LHFPL4: variants seen among roughly 807,000 people sequenced by gnomAD.
The protein encoded by LHFPL4 is LHFPL tetraspan subfamily member 4 protein.
A neutral mutation model predicts 20.0 loss-of-function variants in LHFPL4; 6 were observed. The observed-to-expected ratio is 0.30, with a 90% CI of 0.16 to 0.59. The LOEUF is 0.59. Among genes scored for constraint, LHFPL4 ranks in the 20% least tolerant of loss-of-function variants. The pLI, the probability that LHFPL4 is intolerant of heterozygous loss-of-function variation, is 0.88. For missense variants in LHFPL4, 215 were observed against 331.2 expected (o/e 0.65, Z 2.72); for synonymous variants, 129 against 143.8 (o/e 0.90, Z 0.74).
chr3:9,522,934 G>C (rs1015549955), intron 2 of LHFPL4, among the ~76,000 whole-genome samples: 2 of 151,386 alleles, frequency 1.3e-5, no homozygotes, highest in African/African-American at 4.9e-5. Flanking sequence ...CCAGCTACTA[G>C]GGAGGCTGAG....
rs1574850675 is a variant in LHFPL4 at position 9,534,416 on chromosome 3, G to A, written c.406+17858C>T. ...GAATGATCTCTGGATACCCTGCTAA[G>A]TGAAAGGCAAGGCTCATGGTAACAA... On this transcript the variant is annotated intron_variant, in intron 2 of 3. Transcript: ENST00000287585. 2.6e-5 allele frequency among the ~76,000 whole-genome samples: 4 copies of A among 152,294 alleles called. 1 individual carries two copies. Among genetic ancestry groups the A allele is most frequent in the Admixed American group, 2.6e-4 (4 of 15,298 alleles).
intron 2 of LHFPL4, among the ~76,000 whole-genome samples, chr3:9,521,037 A>G (rs545013357): frequency 6.6e-6 from 1 of 151,932 alleles, no homozygotes; most frequent in East Asian, 1.9e-4. Context: ...AGATGCATCT[A>G]TTTCTCTTTG....
chr3:9,513,049 T>C (rs1029926584), intron 2 of LHFPL4, among the ~76,000 whole-genome samples: 1 of 151,966 alleles, frequency 6.6e-6, no homozygotes, highest in Non-Finnish European at 1.5e-5. Context: ...AAGCTCCGCC[T>C]CCTGGATTCA....
At chr3:9,509,246 C>CCCT (rs1553646188) in intron 2 of LHFPL4, among the ~76,000 whole-genome samples, 6 of 146,764 alleles carry the variant, frequency 4.1e-5, no homozygotes, top group Non-Finnish European at 6.0e-5. Flanking sequence ...TTCGCACCCC[C>CCCT]CTCTCTCTCT....
At chr3:9,528,813 C>T (rs889186421) in intron 2 of LHFPL4, among the ~76,000 whole-genome samples, 2 of 151,744 alleles carry the variant, frequency 1.3e-5, no homozygotes, top group Non-Finnish European at 2.9e-5. Context: ...TGGGGTTTCA[C>T]CGTGTTAGCC....
At chr3:9,523,296 G>A (rs1192757899) in intron 2 of LHFPL4, among the ~76,000 whole-genome samples, 57 of 150,904 alleles carry the variant, frequency 3.8e-4, no homozygotes, top group Non-Finnish European at 2.8e-4. Flanking sequence ...CAGGAGAATC[G>A]CTTGAACCTG....
chr3:9,520,528 A>G lies in LHFPL4; in HGVS notation c.407-14325T>C, dbSNP rs150361789. The stretch of plus-strand genomic sequence containing the variant: ...GCCACCACGCCCAGCTAATTTTTGT[A>G]TTTTTAGTAGAGGTGAGGTTTCACC... On this transcript the variant is annotated intron_variant, in intron 2 of 3. Transcript: ENST00000287585. Among the ~76,000 whole-genome samples, 36 of 151,898 alleles carry G rather than the reference A, an allele frequency of 2.4e-4. 2 individuals carry two copies. The East Asian group carries it at 6.8e-3, about 29-fold the overall frequency.
intron 2 of LHFPL4, among the ~76,000 whole-genome samples, chr3:9,526,652 T>C (rs2046377471): frequency 6.6e-6 from 1 of 152,198 alleles, no homozygotes; most frequent in Non-Finnish European, 1.5e-5. Flanking sequence ...ACAGGGTACC[T>C]GCAGATATAA....
In LHFPL4 at chr3:9,520,603, C is replaced by A. The variant is rs373488813; in HGVS notation, c.407-14400G>T. On this transcript the variant is annotated intron_variant, in intron 2 of 3. Transcript: ENST00000287585. ...TCCTGATCCGCCTGCCTCGGCCACTCAAAGTGCTGAAATTACAGGTGTGAG... is the reference window on the plus strand; with the variant it reads ...TCCTGATCCGCCTGCCTCGGCCACTAAAAGTGCTGAAATTACAGGTGTGAG... Among the ~76,000 whole-genome samples the A allele has an allele frequency of 8.5e-4, 129 of 152,258 alleles. 1 individual carries two copies. The highest frequency in any genetic ancestry group is 3.0e-3 in the African/African-American group (124 of 41,496).
At chr3:9,508,261 C>A (rs1160040917) in intron 2 of LHFPL4, among the ~76,000 whole-genome samples, 1 of 152,122 alleles carries the variant, frequency 6.6e-6, no homozygotes, top group African/African-American at 2.4e-5. Context: ...CAGTCCTCCT[C>A]CTCTCCCCAA....
Position 9,552,639 on chromosome 3 carries a change from T to G in LHFPL4, c.41A>C (p.His14Pro), listed in dbSNP as rs1467580121. 6.2e-7 allele frequency: 1 copy of G among 1,613,412 alleles called. No homozygotes were observed. Among genetic ancestry groups the G allele is most frequent in the Admixed American group, 1.7e-5 (1 of 59,992 alleles). Residue 14 changes from histidine (H) to proline (P), a missense_variant, in exon 2 of 4, where the codon CAC becomes CCC. This residue lies in a region of LHFPL4 where 164 missense variants were observed against 286.7 expected (regional missense o/e 0.57). Transcript: ENST00000287585. ...SQEASKLYHEHYMRNSRAIGV... is the reference protein window; with the variant it reads ...SQEASKLYHEPYMRNSRAIGV... ...GATGGCCCGCGAGTTCCGCATGTAG[T>G]GCTCGTGGTAGAGCTTGGAGGCCTC...
At chr3:9,520,447 G>C (rs548092110) in intron 2 of LHFPL4, among the ~76,000 whole-genome samples, 1 of 151,932 alleles carries the variant, frequency 6.6e-6, no homozygotes, top group Non-Finnish European at 1.5e-5. Context: ...TCTGCTTCCC[G>C]AGTTCAAGAG....
At chr3:9,503,170 C>T (rs2046190820) in intron 3 of LHFPL4, among the ~76,000 whole-genome samples, 1 of 152,026 alleles carries the variant, frequency 6.6e-6, no homozygotes, top group South Asian at 2.1e-4. Context: ...GTGGGAGGCT[C>T]ACTCATCTTG....
intron 2 of LHFPL4, among the ~76,000 whole-genome samples, chr3:9,545,582 A>G (rs1326293072): frequency 6.6e-6 from 1 of 152,206 alleles, no homozygotes; most frequent in Non-Finnish European, 1.5e-5. Flanking sequence ...CCTGGCCAAC[A>G]TGGTGAAACC....
rs2046164415 is a variant in LHFPL4, at chr3:9,500,569, C to G, written c.*1642G>C. On this transcript the variant is annotated 3_prime_UTR_variant, in exon 4 of 4. Coordinates refer to ENST00000287585, the MANE Select transcript of LHFPL4 (RefSeq NM_198560.3). ...GGTCTTTCTTGGAAACCCTAACTCT[C>G]AGGTCCAAGTCCTGTGGAAATGAAC... 1 of 152,274 alleles carries G rather than the reference C, an allele frequency of 6.6e-6. No individual in the cohort carries two copies. The highest frequency in any genetic ancestry group is 2.4e-5 in the African/African-American group (1 of 41,452). 9.4% of individuals were successfully genotyped at this position (152,274 alleles called of 1,614,324 possible).
Position 9,513,895 on chromosome 3 carries a change from C to T in LHFPL4, c.407-7692G>A, listed in dbSNP as rs1159292123. 2.6e-5 allele frequency among the ~76,000 whole-genome samples: 4 copies of T among 152,188 alleles called. No homozygotes were observed. In the South Asian group the frequency reaches 6.2e-4, roughly 24 times the overall value. On this transcript the variant is annotated intron_variant, in intron 2 of 3. Coordinates refer to ENST00000287585, the MANE Select transcript of LHFPL4 (RefSeq NM_198560.3). The stretch of plus-strand genomic sequence containing the variant: ...TTGGTTTTGGGGTGTGAGGGTGGCA[C>T]GTGCACTCTTGTAAATGTACTTACT...
At chr3:9,547,323 TTA>T (rs1267112457) in intron 2 of LHFPL4, among the ~76,000 whole-genome samples, 1 of 152,166 alleles carries the variant, frequency 6.6e-6, no homozygotes, top group African/African-American at 2.4e-5. Flanking sequence ...TAGCACATAC[TTA>T]TCCTGGCACC....
At chr3:9,541,542 C>T (rs535408179) in intron 2 of LHFPL4, among the ~76,000 whole-genome samples, 13 of 151,702 alleles carry the variant, frequency 8.6e-5, no homozygotes, top group Non-Finnish European at 1.9e-4. Context: ...GAGGCCAAGG[C>T]GGGTGGATCA....
chr3:9,528,691 C>T (rs1194273982), intron 2 of LHFPL4, among the ~76,000 whole-genome samples: 7 of 152,208 alleles, frequency 4.6e-5, no homozygotes, highest in African/African-American at 1.4e-4. Flanking sequence ...TCTCAGCTCA[C>T]TGCAACCTCT....
Sources: gnomAD v4.1 joint callset for allele counts (sites outside exome capture counted in the v4.1 genomes callset) on GRCh38, gnomAD v4.1.1 for gene constraint, gnomAD v4.1.1 regional missense constraint, MANE v1.5 for transcripts, NCBI Gene and HGNC (gene_info 2026-07-23, HGNC 2026-07-21) for gene names.